ARB2A: variants seen among roughly 807,000 people sequenced by gnomAD.
ARB2A encodes cotranscriptional regulator ARB2A.
At chr5:93,950,513 C>T in the ARB2A span, among the ~76,000 whole-genome samples, 2 of 151,980 alleles carry the variant, frequency 1.3e-5, no homozygotes, top group Non-Finnish European at 2.9e-5. Context: ...CGTGGTGGTG[C>T]ATACCTGTAA....
chr5:93,690,806 C>T, the ARB2A span, among the ~76,000 whole-genome samples: 11 of 152,054 alleles, frequency 7.2e-5, no homozygotes, highest in Non-Finnish European at 1.0e-4. Context: ...AGGAGAGCTC[C>T]GGCTGGCATA....
the ARB2A span, among the ~76,000 whole-genome samples, chr5:93,746,845 T>A: frequency 6.6e-6 from 1 of 152,162 alleles, no homozygotes; most frequent in Non-Finnish European, 1.5e-5. Flanking sequence ...TGGGGCTGAG[T>A]TGAAAGGCAC....
the ARB2A span, among the ~76,000 whole-genome samples, chr5:94,010,468 G>A: frequency 6.6e-6 from 1 of 151,886 alleles, no homozygotes; most frequent in Non-Finnish European, 1.5e-5. Flanking sequence ...TGGTCTCATT[G>A]TAAAAGTGGA....
At chr5:94,034,350 C>T in the ARB2A span, among the ~76,000 whole-genome samples, 1 of 152,092 alleles carries the variant, frequency 6.6e-6, no homozygotes, top group Non-Finnish European at 1.5e-5. Context: ...GGTATATCTA[C>T]CACACAGGGC....
the ARB2A span, among the ~76,000 whole-genome samples, chr5:93,723,288 G>C: frequency 6.6e-6 from 1 of 152,104 alleles, no homozygotes; most frequent in Non-Finnish European, 1.5e-5. Flanking sequence ...TCTTAAGACT[G>C]ACCTCTAGTC....
At chr5:93,969,227 A>G in the ARB2A span, among the ~76,000 whole-genome samples, 1 of 151,930 alleles carries the variant, frequency 6.6e-6, no homozygotes, top group Non-Finnish European at 1.5e-5. Flanking sequence ...AACAGCAACA[A>G]TGTATTTTGT....
chr5:93,645,554 C>A, the ARB2A span, among the ~76,000 whole-genome samples: 510 of 138,466 alleles, frequency 3.7e-3, 9 homozygotes, highest in Non-Finnish European at 1.1e-3. Context: ...AGACTGGCAA[C>A]AGAGTGAGAC....
chr5:94,013,020 C>G, the ARB2A span, among the ~76,000 whole-genome samples: 1 of 152,234 alleles, frequency 6.6e-6, no homozygotes, highest in South Asian at 2.1e-4. Flanking sequence ...GTCCCATGTG[C>G]AAATTCTGGG....
the ARB2A span, among the ~76,000 whole-genome samples, chr5:93,679,314 T>A: frequency 1.3e-5 from 2 of 152,036 alleles, no homozygotes; most frequent in African/African-American, 4.8e-5. Context: ...GTGAAGTCTA[T>A]CCTTTCATTT....
the ARB2A span, among the ~76,000 whole-genome samples, chr5:93,977,370 T>G: frequency 6.6e-6 from 1 of 152,012 alleles, no homozygotes; most frequent in African/African-American, 2.4e-5. Context: ...GAAACTATGC[T>G]ACAAGGCTAC....
the ARB2A span, among the ~76,000 whole-genome samples, chr5:93,656,703 T>C: frequency 6.6e-6 from 1 of 152,186 alleles, no homozygotes; most frequent in African/African-American, 2.4e-5. Flanking sequence ...CATCTTTCTT[T>C]TGTTTCCCCA....
At chr5:94,045,342 A>T in the ARB2A span, among the ~76,000 whole-genome samples, 8 of 151,884 alleles carry the variant, frequency 5.3e-5, no homozygotes, top group South Asian at 1.7e-3. Context: ...TTATGAACTC[A>T]CCCTGAATTC....
chr5:93,757,443 TA>T, the ARB2A span, among the ~76,000 whole-genome samples: 1 of 152,092 alleles, frequency 6.6e-6, no homozygotes, highest in Admixed American at 6.5e-5. Flanking sequence ...TATCCAAAGT[TA>T]AGATGAAGGA....
the ARB2A span, among the ~76,000 whole-genome samples, chr5:93,758,095 A>C: frequency 3.3e-5 from 5 of 152,304 alleles, no homozygotes; most frequent in Admixed American, 1.3e-4. Flanking sequence ...AGAGGTAGCT[A>C]TTCTTACATG....
chr5:93,832,403 G>C, the ARB2A span, among the ~76,000 whole-genome samples: 1 of 152,152 alleles, frequency 6.6e-6, no homozygotes, highest in Non-Finnish European at 1.5e-5. Flanking sequence ...GGTATACCAT[G>C]TTCTGATTAC....
the ARB2A span, among the ~76,000 whole-genome samples, chr5:94,078,500 CGTT>C: frequency 6.6e-6 from 1 of 152,122 alleles, no homozygotes; most frequent in African/African-American, 2.4e-5. Context: ...GTGAGAAAAA[CGTT>C]GGTGTGTGGG....
At chr5:94,110,041 C>T in the ARB2A span, among the ~76,000 whole-genome samples, 1 of 152,050 alleles carries the variant, frequency 6.6e-6, no homozygotes, top group Admixed American at 6.5e-5. Flanking sequence ...CACGCCACCA[C>T]ACCCAGCTAA....
At chr5:93,964,506 T>C in the ARB2A span, 1 of 1,582,698 alleles carries the variant, frequency 6.3e-7, no homozygotes, top group South Asian at 1.1e-5. Flanking sequence ...GGAGCTCATA[T>C]ACATACTTCG....
At chr5:93,923,051 A>G in the ARB2A span, among the ~76,000 whole-genome samples, 1 of 151,972 alleles carries the variant, frequency 6.6e-6, no homozygotes, top group Non-Finnish European at 1.5e-5. Flanking sequence ...TGCCTCTGCC[A>G]CCACTGAGAC....
Sources: allele counts gnomAD v4.1 joint callset (sites outside exome capture counted in the v4.1 genomes callset), GRCh38; gene constraint gnomAD v4.1.1; transcripts MANE v1.5; gene names NCBI Gene and HGNC (gene_info 2026-07-23, HGNC 2026-07-21).